The following MED16 variants were observed in gnomAD, a reference collection of about 807,000 sequenced individuals.
The protein encoded by MED16 is mediator complex subunit 16.
MED16 carries 81 observed loss-of-function variants against 84.4 expected under a neutral mutation model. The ratio of observed to expected loss-of-function variants is 0.96; its 90% CI spans 0.80 to 1.15. MED16 has a LOEUF of 1.15. Ranked by LOEUF, MED16 falls within the 50% of genes most tolerant of loss-of-function variation. MED16 has a pLI of 0.00. For missense variants in MED16, 1,585 were observed against 1,245.9 expected (o/e 1.27, Z -4.10); for synonymous variants, 897 against 552.2 (o/e 1.62, Z -8.76).
chr19:875,460 G>A lies in MED16; in HGVS notation c.1561-6C>T, dbSNP rs182675080. 6.6e-5 allele frequency: 105 copies of A among 1,596,684 alleles called. 1 individual carries two copies. The highest frequency in any genetic ancestry group is 4.2e-4 in the Middle Eastern group (2 of 4,710). ...AGGATCCGGGTGGAGAGGACCTGAGGGCAGGAAGCCAGGTCACCCCAAGGG... is the reference window on the plus strand; with the variant it reads ...AGGATCCGGGTGGAGAGGACCTGAGAGCAGGAAGCCAGGTCACCCCAAGGG... On this transcript the variant is annotated splice_polypyrimidine_tract_variant and splice_region_variant and intron_variant, in intron 9 of 15. Coordinates refer to ENST00000325464, the MANE Select transcript of MED16 (RefSeq NM_005481.3).
chr19:890,687 T>A (rs964806574), intron 2 of MED16, among the ~76,000 whole-genome samples: 9 of 152,230 alleles, frequency 5.9e-5, no homozygotes, highest in Non-Finnish European at 1.2e-4. Flanking sequence ...CTGGGGCACG[T>A]GTCTCCAACA....
intron 8 of MED16, among the ~76,000 whole-genome samples, 186 bp from the exon 9 acceptor site, chr19:877,366 T>C (rs1263268440): frequency 6.6e-6 from 1 of 152,132 alleles, no homozygotes; most frequent in Non-Finnish European, 1.5e-5. Flanking sequence ...GCACAATGCC[T>C]CTGGGAACAG....
Position 891,151 on chromosome 19 carries a change from T to C in MED16, c.-18-2A>G, listed in dbSNP as rs1185482022. On this transcript the variant is annotated splice_acceptor_variant, in intron 1 of 15. Transcript: ENST00000325464. LOFTEE classifies it low-confidence loss of function (5UTR_SPLICE). ...ACACATGAGGGCAGTCACCAGCTCC[T>C]GCGGGAGGGAGGTGTGGTGGGACGT... 3.1e-6 allele frequency: 5 copies of C among 1,603,810 alleles called. No individual in the cohort carries two copies. The highest frequency in any genetic ancestry group is 4.3e-6 in the Non-Finnish European group (5 of 1,174,008).
At chr19:876,899 C>T (rs1030102226) in intron 9 of MED16, 75 bp downstream of exon 9, 1 of 1,456,232 alleles carries the variant, frequency 6.9e-7, no homozygotes, top group Non-Finnish European at 9.2e-7. Flanking sequence ...GCCACGGGGC[C>T]CCACCTGCCA....
At position 884,189 on chromosome 19, in the gene MED16, C is replaced by T. The variant is rs111913726; in HGVS notation, c.985+714G>A. Among the ~76,000 whole-genome samples, 689 of 152,322 alleles carry T rather than the reference C, an allele frequency of 4.5e-3. 1 individual carries two copies. Among genetic ancestry groups the T allele is most frequent in the Non-Finnish European group, 7.9e-3 (537 of 68,022 alleles). On this transcript the variant is annotated intron_variant, in intron 6 of 15. Transcript: ENST00000325464. ...TCTCATCTACCGGGAAAACATCTCC[C>T]TTCTCCAGAGCGGAGGCCAGCCTAA...
rs747967081 is a variant in MED16 at position 868,423 on chromosome 19, T to C, written c.2476A>G (p.Asn826Asp). Residue 826 changes from asparagine to aspartate, a missense_variant, in exon 15 of 16, where the codon AAC becomes GAC. Transcript: ENST00000325464. The part of the protein sequence containing the change: ...VKQWEQRWIK[N>D]CLAVEGRGPD... Reference sequence around the variant, plus strand: ...CACCAGAGCCCACCGCACAGGCAGTTCTTGATCCAGCGCTGCTCCCACTGC... The same window carrying C: ...CACCAGAGCCCACCGCACAGGCAGTCCTTGATCCAGCGCTGCTCCCACTGC... 1.2e-6 allele frequency: 2 copies of C among 1,610,468 alleles called. No individual in the cohort carries two copies. The highest frequency in any genetic ancestry group is 8.5e-7 in the Non-Finnish European group (1 of 1,179,864).
chr19:887,862 G>C (rs1017068459), intron 4 of MED16, among the ~76,000 whole-genome samples: 2 of 151,818 alleles, frequency 1.3e-5, no homozygotes, highest in African/African-American at 4.8e-5. Context: ...GTGGGGGATG[G>C]ATCAGGGTGA....
At position 885,787 on chromosome 19, in the gene MED16, G is replaced by T. The variant is rs1378362264; in HGVS notation, c.862C>A (p.Arg288=). The change falls in exon 5 of 16, where the codon CGG becomes AGG. Residue 288 remains arginine, a synonymous_variant. Coordinates refer to ENST00000325464, the MANE Select transcript of MED16 (RefSeq NM_005481.3). ...CCGTTCACCTGCTCCGACATGTCCCGGGCCAGGAACTTGAGGTGGGTGATG... is the reference window on the plus strand; with the variant it reads ...CCGTTCACCTGCTCCGACATGTCCCTGGCCAGGAACTTGAGGTGGGTGATG... ...PAITHLKFLA[R]DMSEQVLLCA... 3 of 1,609,984 alleles carry T rather than the reference G, an allele frequency of 1.9e-6. No individual in the cohort carries two copies. The highest frequency in any genetic ancestry group is 2.7e-5 in the African/African-American group (2 of 74,912).
chr19:873,423 G>T, intron 11 of MED16, 26 bp downstream of exon 11: 4 of 1,597,660 alleles, frequency 2.5e-6, no homozygotes, highest in Non-Finnish European at 3.4e-6. Flanking sequence ...GTGGGGGGCG[G>T]GGCCTTAGGG....
intron 13 of MED16, 22 bp downstream of exon 13, chr19:871,015 A>C (rs1192911836): frequency 1.3e-6 from 2 of 1,524,460 alleles, no homozygotes; most frequent in Non-Finnish European, 1.8e-6. Flanking sequence ...GTGTTTGGGG[A>C]CCAATGCAGG....
In MED16 at chr19:881,843, C is replaced by T. The variant is rs878936112; in HGVS notation, c.986-129G>A. 8 of 1,138,500 alleles carry T rather than the reference C, an allele frequency of 7.0e-6. No homozygotes were observed. The South Asian group carries it at 1.2e-4, about 17-fold the overall frequency. The allele number at this position is 1,138,500 out of a possible 1,614,324, so 70.5% of individuals were successfully genotyped here. On this transcript the variant is annotated intron_variant, in intron 6 of 15. Coordinates refer to ENST00000325464, the MANE Select transcript of MED16 (RefSeq NM_005481.3). ...TTCCCAGGTCTCATGCCGCCCTGCT[C>T]CCATGCCCAGAAGACCAGGCCCGGC... is the stretch of plus-strand genomic sequence containing the variant.
intron 1 of MED16, 136 bp from the exon 2 acceptor site, chr19:891,285 A>C: frequency 1.2e-6 from 1 of 852,608 alleles, no homozygotes; most frequent in Non-Finnish European, 1.8e-6. Flanking sequence ...GAGGCCAGAC[A>C]GAGCCTGGGG....
At chr19:870,618 T>C (rs1421330264) in intron 13 of MED16, among the ~76,000 whole-genome samples, 1 of 146,888 alleles carries the variant, frequency 6.8e-6, no homozygotes, top group East Asian at 2.0e-4. Context: ...GGTGCCCGTG[T>C]TGGGGGTGGT....
chr19:889,279 G>A (rs1365318442), intron 4 of MED16, among the ~76,000 whole-genome samples: 1 of 152,162 alleles, frequency 6.6e-6, no homozygotes, highest in Non-Finnish European at 1.5e-5. Flanking sequence ...ATCAGAGGGT[G>A]GGCTGCATTC....
intron 6 of MED16, 42 bp downstream of exon 6, chr19:884,861 C>A: frequency 6.6e-7 from 1 of 1,521,252 alleles, no homozygotes. Flanking sequence ...CAACCGCCCC[C>A]GAGGGCAGGC....
intron 12 of MED16, 147 bp from the exon 13 acceptor site, chr19:871,400 C>A (rs1243152841): frequency 3.0e-6 from 4 of 1,315,110 alleles, no homozygotes; most frequent in Non-Finnish European, 4.1e-6. Flanking sequence ...GGGGTTCTCT[C>A]ACCAGGTCGG....
At position 890,225 on chromosome 19, in the gene MED16, G is replaced by A. The variant is rs1243655578; in HGVS notation, c.189C>T (p.His63=). The A allele has an allele frequency of 3.9e-6, 6 of 1,552,976 alleles. No individual in the cohort carries two copies. Among genetic ancestry groups the A allele is most frequent in the Non-Finnish European group, 5.2e-6 (6 of 1,148,152 alleles). The change falls in exon 3 of 16, where the codon CAC becomes CAT. Residue 63 remains histidine, a synonymous_variant. Transcript: ENST00000325464. The part of the protein sequence containing the change: ...SDDQDLTRMI[H]ILDTEHPWDL... The stretch of plus-strand genomic sequence containing the variant: ...CCCAGGGGTGCTCCGTGTCCAGGAT[G>A]TGGATCATGCGGGTCAGGTCTGTGG...
chr19:871,614 G>C (rs754993607), intron 12 of MED16: 18 of 1,595,658 alleles, frequency 1.1e-5, no homozygotes, highest in Non-Finnish European at 1.4e-5. Flanking sequence ...GCCTGGAAGT[G>C]GCTGCCATCC....
chr19:877,339 C>T lies in MED16; in HGVS notation c.1354-159G>A, dbSNP rs185554705. Among the ~76,000 whole-genome samples the T allele has an allele frequency of 1.1e-3, 175 of 152,270 alleles. 3 individuals carry two copies. Among genetic ancestry groups the T allele is most frequent in the African/African-American group, 4.2e-3 (173 of 41,538 alleles). ...GCGCATGTGTCTGTAGCGTCTGTAC[C>T]TTTCTGTCAGGGTCATGCACAATGC... On this transcript the variant is annotated intron_variant, in intron 8 of 15. Transcript: ENST00000325464.
Sources: gnomAD v4.1 joint callset for allele counts (sites outside exome capture counted in the v4.1 genomes callset) on GRCh38, gnomAD v4.1.1 for gene constraint, MANE v1.5 for transcripts, NCBI Gene and HGNC (gene_info 2026-07-23, HGNC 2026-07-21) for gene names.